The following UQCC1 variants were observed in gnomAD, a reference collection of about 807,000 sequenced individuals.
The protein encoded by UQCC1 is ubiquinol-cytochrome c reductase complex assembly factor 1.
A neutral mutation model predicts 48.0 loss-of-function variants in UQCC1; 38 were observed. The ratio of observed to expected loss-of-function variants is 0.79; its 90% confidence interval spans 0.61 to 1.04. The LOEUF is 1.04. UQCC1 is among the 50% of genes least tolerant of loss of function. The probability of loss-of-function intolerance (pLI) is 0.00; values close to 1 mark genes in which losing one functional copy is unlikely to be tolerated. For synonymous variants in UQCC1, 111 were observed against 129.2 expected (o/e 0.86, Z 0.95); for missense variants, 368 against 381.8 (o/e 0.96, Z 0.30).
At chr20:35,392,270 CA>C (rs1458005534) in intron 2 of UQCC1, 8 of 1,304,234 alleles carry the variant, frequency 6.1e-6, no homozygotes, top group Non-Finnish European at 8.1e-6. Flanking sequence ...AGTTTCCAAC[CA>C]GGGGACCTCA....
intron 1 of UQCC1, among the ~76,000 whole-genome samples, chr20:35,401,313 A>G (rs868612325): frequency 3.3e-4 from 50 of 152,330 alleles, no homozygotes; most frequent in Middle Eastern, 3.4e-3. Context: ...TCTCGCACTC[A>G]GCAATGCTAG....
chr20:35,339,192 G>A (rs2061350985), intron 7 of UQCC1, among the ~76,000 whole-genome samples: 1 of 151,928 alleles, frequency 6.6e-6, no homozygotes, highest in Non-Finnish European at 1.5e-5. Flanking sequence ...CTAGCCAGAT[G>A]CTAACAAAAG....
intron 7 of UQCC1, among the ~76,000 whole-genome samples, chr20:35,336,070 C>G (rs1018337035): frequency 4.6e-5 from 7 of 152,174 alleles, no homozygotes; most frequent in South Asian, 2.1e-4. Context: ...TGCTACAATA[C>G]AAGTGGATAC....
chr20:35,305,471 T>C (rs558623363), intron 9 of UQCC1, among the ~76,000 whole-genome samples: 2 of 152,360 alleles, frequency 1.3e-5, no homozygotes, highest in East Asian at 3.9e-4. Flanking sequence ...GGCAGGTCTC[T>C]CAGAAAACAC....
chr20:35,337,654 T>C (rs1438339717), intron 7 of UQCC1, among the ~76,000 whole-genome samples: 1 of 152,200 alleles, frequency 6.6e-6, no homozygotes, highest in Non-Finnish European at 1.5e-5. Context: ...TAAACACTGC[T>C]GTACCATGCT....
chr20:35,314,641 G>T, intron 8 of UQCC1, 47 bp downstream of exon 8: 1 of 1,528,884 alleles, frequency 6.5e-7, no homozygotes, highest in Non-Finnish European at 9.0e-7. Flanking sequence ...AAAAGCCTTT[G>T]CTGGGGGAGG....
intron 8 of UQCC1, among the ~76,000 whole-genome samples, chr20:35,311,297 G>A (rs1186159957): frequency 6.6e-6 from 1 of 152,158 alleles, no homozygotes. Context: ...CAGAAAACAG[G>A]GAGGTTCCCA....
At position 35,303,945 on chromosome 20, in the gene UQCC1, T is replaced by TTA; in HGVS notation, c.889_890insTA (p.Glu297ValfsTer38). On this transcript the variant is annotated frameshift_variant, in exon 10 of 10. Transcript: ENST00000374385. LOFTEE classifies it high-confidence loss of function. ...GGAGGGCCCAGCCCATCAAAGTCCC[T>TTA]CGTCGTTGTAAGTCGGAGAATGGGG... is the stretch of plus-strand genomic sequence containing the variant. 1 of 1,614,182 alleles carries TTA rather than the reference T, an allele frequency of 6.2e-7. No individual in the cohort carries two copies. Among genetic ancestry groups the TTA allele is most frequent in the East Asian group, 2.2e-5 (1 of 44,876 alleles).
At chr20:35,402,798 A>G (rs1172860588) in intron 1 of UQCC1, among the ~76,000 whole-genome samples, 1 of 150,732 alleles carries the variant, frequency 6.6e-6, no homozygotes, top group African/African-American at 2.4e-5. Flanking sequence ...ATCTCAAACA[A>G]TAACAAAAAA....
chr20:35,382,638 G>C (rs564414053), intron 3 of UQCC1, among the ~76,000 whole-genome samples: 239 of 148,178 alleles, frequency 1.6e-3, no homozygotes, highest in Middle Eastern at 3.6e-3. Flanking sequence ...TCAGCCTCCC[G>C]AGTAGCTGGG....
rs779166061 is a variant in UQCC1, at chr20:35,304,075, A to G, written c.766-6T>C. 6.2e-7 allele frequency: 1 copy of G among 1,613,942 alleles called. No homozygotes were observed. The highest frequency in any genetic ancestry group is 1.7e-5 in the Admixed American group (1 of 60,020). On this transcript the variant is annotated splice_region_variant and splice_polypyrimidine_tract_variant and intron_variant, in intron 9 of 9. Coordinates refer to ENST00000374385, the MANE Select transcript of UQCC1 (RefSeq NM_018244.5). ...ATGGAGTCCAGGTACTGTATCTGCA[A>G]CCAGGGGAGGGGGAAGGAGGAAGCG...
intron 6 of UQCC1, 125 bp from the exon 7 acceptor site, chr20:35,347,397 C>T: frequency 1.1e-6 from 1 of 889,604 alleles, no homozygotes; most frequent in Non-Finnish European, 1.6e-6. Context: ...TGGAAGTGAA[C>T]TTTTTTTTTT....
At chr20:35,338,874 A>ATATAT (rs1568666053) in intron 7 of UQCC1, among the ~76,000 whole-genome samples, 7 of 58,406 alleles carry the variant, frequency 1.2e-4, no homozygotes, top group African/African-American at 6.2e-4. Context: ...AAAAAAAAAA[A>ATATAT]AAAAAAAAAA....
intron 7 of UQCC1, chr20:35,346,803 G>A (rs1326961836): frequency 5.1e-6 from 3 of 582,538 alleles, no homozygotes; most frequent in Non-Finnish European, 8.8e-6. Context: ...ATTTATAGAA[G>A]GACTGGTTCA....
intron 5 of UQCC1, among the ~76,000 whole-genome samples, chr20:35,372,234 G>A (rs930560678): frequency 4.0e-5 from 6 of 150,416 alleles, no homozygotes; most frequent in East Asian, 2.0e-4. Context: ...GCTTGAATCC[G>A]GGAGGCAGAG....
In UQCC1 at chr20:35,304,016, C is replaced by G; in HGVS notation, c.819G>C (p.Val273=). 6.2e-7 allele frequency: 1 copy of G among 1,614,180 alleles called. No homozygotes were observed. Among genetic ancestry groups the G allele is most frequent in the Non-Finnish European group, 8.5e-7 (1 of 1,180,028 alleles). Residue 273 remains valine, a synonymous_variant, in exon 10 of 10, where the codon GTG becomes GTC. Coordinates refer to ENST00000374385, the MANE Select transcript of UQCC1 (RefSeq NM_018244.5). ...NGEDLLLTGE[V]SWRPLVEKNP... is the part of the protein sequence containing the mutation. Reference sequence around the variant, plus strand: ...TCTTCTCCACTAGAGGGCGCCAGCTCACCTCCCCTGTCAGAAGCAGATCCT... The same window carrying G: ...TCTTCTCCACTAGAGGGCGCCAGCTGACCTCCCCTGTCAGAAGCAGATCCT...
chr20:35,366,484 G>A, intron 6 of UQCC1, 73 bp downstream of exon 6: 1 of 1,356,700 alleles, frequency 7.4e-7, no homozygotes, highest in Non-Finnish European at 1.0e-6. Flanking sequence ...CAGCCCTCCT[G>A]AAGGCTATAC....
At chr20:35,391,767 A>G (rs1471800419) in intron 2 of UQCC1, among the ~76,000 whole-genome samples, 1 of 152,204 alleles carries the variant, frequency 6.6e-6, no homozygotes, top group Non-Finnish European at 1.5e-5. Context: ...AGACTAATTA[A>G]TAGTATTATT....
chr20:35,324,531 T>A (rs575576784), intron 7 of UQCC1, among the ~76,000 whole-genome samples: 1 of 152,214 alleles, frequency 6.6e-6, no homozygotes, highest in East Asian at 1.9e-4. Flanking sequence ...TTTCACCGTG[T>A]TAGCCAGGAT....
Sources: gnomAD v4.1 joint callset for allele counts (sites outside exome capture counted in the v4.1 genomes callset) on GRCh38, gnomAD v4.1.1 for gene constraint, MANE v1.5 for transcripts, NCBI Gene and HGNC (gene_info 2026-07-23, HGNC 2026-07-21) for gene names.